Variants in NUCB2 observed in about 807,000 individuals in gnomAD.
NUCB2 encodes the protein nucleobindin-2.
Under a neutral mutation model 57.9 loss-of-function variants are expected in NUCB2, and 48 were observed. The observed-to-expected ratio is 0.83, with a 90% CI of 0.66 to 1.05. The LOEUF is 1.05. Ranked by LOEUF, NUCB2 falls within the 50% of genes least tolerant of loss-of-function variation. The pLI is 0.00. For synonymous variants in NUCB2, 139 were observed against 152.1 expected (o/e 0.91, Z 0.64); for missense variants, 442 against 476.2 (o/e 0.93, Z 0.67).
chr11:17,326,163 G>A (rs1950637249), intron 11 of NUCB2, among the ~76,000 whole-genome samples: 1 of 151,740 alleles, frequency 6.6e-6, no homozygotes, highest in Non-Finnish European at 1.5e-5. Flanking sequence ...ACCATGCCCA[G>A]CTAATTTTGT....
intron 11 of NUCB2, among the ~76,000 whole-genome samples, chr11:17,321,994 TC>T (rs1248585395): frequency 1.3e-5 from 2 of 152,168 alleles, no homozygotes; most frequent in African/African-American, 4.8e-5. Flanking sequence ...TAGTTATTAA[TC>T]CCTTGTCAGA....
downstream of NUCB2, among the ~76,000 whole-genome samples, chr11:17,335,915 G>T (rs1293728807): frequency 2.0e-5 from 3 of 152,180 alleles, no homozygotes; most frequent in Non-Finnish European, 4.4e-5. Flanking sequence ...CTTTGGTTTA[G>T]CTGACTTAGT....
downstream of NUCB2, chr11:17,333,775 T>A (rs1340536286): frequency 6.6e-6 from 1 of 152,190 alleles, no homozygotes; most frequent in East Asian, 1.9e-4. Flanking sequence ...CTTATAAATG[T>A]TTCAGTTTGG....
downstream of NUCB2, chr11:17,334,320 T>C (rs541747127): frequency 6.6e-6 from 1 of 152,410 alleles, no homozygotes; most frequent in South Asian, 2.1e-4. Flanking sequence ...CTGCTGCTTT[T>C]AGAACAATCA....
chr11:17,341,012 T>C (rs1952218729), intron 2 of NUCB2, among the ~76,000 whole-genome samples: 1 of 152,236 alleles, frequency 6.6e-6, no homozygotes, highest in Non-Finnish European at 1.5e-5. Flanking sequence ...CAGTGGTTTG[T>C]AATTCTCGAA....
intron 10 of NUCB2, among the ~76,000 whole-genome samples, chr11:17,313,992 C>G (rs1237783815): frequency 2.6e-5 from 4 of 152,100 alleles, no homozygotes; most frequent in Non-Finnish European, 5.9e-5. Context: ...AGGGTTGTAT[C>G]TGCTTGACAG....
intron 2 of NUCB2, among the ~76,000 whole-genome samples, chr11:17,293,499 G>A (rs1945292262): frequency 6.6e-6 from 1 of 152,106 alleles, no homozygotes; most frequent in Admixed American, 6.6e-5. Context: ...TCCTCAAAAA[G>A]TTAAACTTAG....
chr11:17,306,432 T>C (rs1947649234), intron 5 of NUCB2, among the ~76,000 whole-genome samples: 1 of 152,142 alleles, frequency 6.6e-6, no homozygotes, highest in African/African-American at 2.4e-5. Context: ...CATCCTGAAA[T>C]TAAGGATATC....
chr11:17,290,140 T>A (rs866849866), intron 2 of NUCB2, among the ~76,000 whole-genome samples: 21 of 152,200 alleles, frequency 1.4e-4, no homozygotes, highest in African/African-American at 5.1e-4. Context: ...AGTTGTTCCT[T>A]TATAAGAAAG....
intron 5 of NUCB2, among the ~76,000 whole-genome samples, chr11:17,308,161 T>C (rs895272330): frequency 6.6e-6 from 1 of 152,196 alleles, no homozygotes; most frequent in African/African-American, 2.4e-5. Context: ...CTTTCTGGCA[T>C]AACAATATGT....
At chr11:17,310,012 C>T (rs1439156011) in intron 6 of NUCB2, among the ~76,000 whole-genome samples, 1 of 152,140 alleles carries the variant, frequency 6.6e-6, no homozygotes, top group Non-Finnish European at 1.5e-5. Flanking sequence ...ACAGATGCTA[C>T]AGGGATATTC....
intron 2 of NUCB2, among the ~76,000 whole-genome samples, chr11:17,295,025 G>A (rs1945590967): frequency 6.6e-6 from 1 of 152,104 alleles, no homozygotes; most frequent in Non-Finnish European, 1.5e-5. Context: ...TCCAGCCTGG[G>A]CAACAAGAGT....
At chr11:17,280,195 A>C (rs1942272090) in intron 1 of NUCB2, among the ~76,000 whole-genome samples, 1 of 152,196 alleles carries the variant, frequency 6.6e-6, no homozygotes, top group Admixed American at 6.5e-5. Flanking sequence ...TGAGTGATAC[A>C]GATCTGTTTT....
chr11:17,290,739 T>C (rs1041651879), intron 2 of NUCB2, among the ~76,000 whole-genome samples: 16 of 152,150 alleles, frequency 1.1e-4, no homozygotes, highest in Non-Finnish European at 1.5e-5. Flanking sequence ...CTAGTGATTG[T>C]AGAACAAGCA....
intron 4 of NUCB2, 151 bp from the exon 5 acceptor site, chr11:17,301,592 CT>C (rs1400591117): frequency 1.1e-5 from 6 of 530,284 alleles, no homozygotes; most frequent in South Asian, 3.4e-5. Flanking sequence ...AAGCTAATAT[CT>C]TTTGAAAGAA....
At chr11:17,313,057 A>C (rs1248429152) in intron 10 of NUCB2, among the ~76,000 whole-genome samples, 1 of 151,414 alleles carries the variant, frequency 6.6e-6, no homozygotes, top group Non-Finnish European at 1.5e-5. Flanking sequence ...TACGTTGCCC[A>C]GGCTGTCAGC....
In NUCB2 at chr11:17,295,752, A is replaced by G. The variant is rs117213702; in HGVS notation, c.144+285A>G. The G allele has an allele frequency of 1.3e-3, 525 of 405,422 alleles. 4 individuals carry two copies. Among genetic ancestry groups the G allele is most frequent in the Non-Finnish European group, 1.9e-3 (429 of 228,922 alleles). The allele number at this position is 405,422 out of a possible 1,614,324, so 25.1% of individuals were successfully genotyped here. A position where few individuals can be genotyped will look rare whatever the true frequency, so the allele number is the denominator to read the frequency against. On this transcript the variant is annotated intron_variant, in intron 3 of 13. Coordinates refer to ENST00000529010, the MANE Select transcript of NUCB2 (RefSeq NM_005013.4). ...AAGAATTAATCGTAATACATTTCCA[A>G]CACAGACCTGACTAGCCAAGAAAAC...
At chr11:17,312,305 C>T (rs777228745) in intron 10 of NUCB2, among the ~76,000 whole-genome samples, 185 bp downstream of exon 10, 1 of 151,594 alleles carries the variant, frequency 6.6e-6, no homozygotes, top group Non-Finnish European at 1.5e-5. Flanking sequence ...GCAATCATGG[C>T]TCCCTGCAGC....
At position 17,295,469 on chromosome 11, in the gene NUCB2, TAAGTGAAATG is replaced by T. The variant is rs753862603; in HGVS notation, c.144+13_144+22del. ...GAAAGTGCGAAGATAGAACCACCAG[TAAGTGAAATG>T]AAGTGAAATGGGAGGAATTATAACT... On this transcript the variant is annotated splice_donor_5th_base_variant and intron_variant, in intron 3 of 13. Coordinates refer to ENST00000529010, the MANE Select transcript of NUCB2 (RefSeq NM_005013.4). 3 of 1,604,540 alleles carry T rather than the reference TAAGTGAAATG, an allele frequency of 1.9e-6. No individual in the cohort carries two copies. The highest frequency in any genetic ancestry group is 2.6e-6 in the Non-Finnish European group (3 of 1,174,324).
Sources: gnomAD v4.1 joint callset for allele counts (sites outside exome capture counted in the v4.1 genomes callset) on GRCh38, gnomAD v4.1.1 for gene constraint, MANE v1.5 for transcripts, NCBI Gene and HGNC (gene_info 2026-07-23, HGNC 2026-07-21) for gene names.